Variants in ZFHX3 observed in about 807,000 individuals in gnomAD.
ZFHX3 encodes zinc finger homeobox 3, also known as zinc finger homeobox protein 3.
In ZFHX3, 42 loss-of-function variants were observed where a neutral mutation model predicts 279.1. The observed-to-expected ratio is 0.15, with a 90% confidence interval of 0.12 to 0.19. The LOEUF (loss-of-function observed/expected upper bound fraction) is 0.19, where lower values mean the gene tolerates loss of function less well. Ranked by LOEUF, ZFHX3 falls within the 10% of genes least tolerant of loss-of-function variation. The pLI, the probability that ZFHX3 is intolerant of heterozygous loss-of-function variation, is 1.00. For missense variants in ZFHX3, 4,981 were observed against 4,754.0 expected (o/e 1.05, Z -1.40); for synonymous variants, 2,293 against 1,957.8 (o/e 1.17, Z -4.52).
intron 3 of ZFHX3, among the ~76,000 whole-genome samples, chr16:73,388,010 G>A (rs2016935289): frequency 1.3e-5 from 2 of 152,054 alleles, no homozygotes; most frequent in African/African-American, 4.8e-5. Context: ...CAAATGCAGG[G>A]CACGCTCATT....
chr16:73,858,000 G>A (rs1343128256), intron 1 of ZFHX3, among the ~76,000 whole-genome samples: 1 of 151,942 alleles, frequency 6.6e-6, no homozygotes, highest in Non-Finnish European at 1.5e-5. Flanking sequence ...GGAGGCTGAG[G>A]CAGGAGAATT....
chr16:73,143,351 C>T lies in ZFHX3; in HGVS notation c.-1024+401G>A, dbSNP rs185557683. 4.5e-4 allele frequency among the ~76,000 whole-genome samples: 68 copies of T among 151,856 alleles called. No individual in the cohort carries two copies. The East Asian group carries it at 7.6e-3, about 17-fold the overall frequency. ...GCCTTCACCAAGAAATGCTCAGAGA[C>T]GAGAAGTGGGAAGATTGACAAAGAT... On this transcript the variant is annotated intron_variant, in intron 6 of 17. Coordinates refer to the ZFHX3 transcript ENST00000641206.
At chr16:73,430,800 T>C (rs544379131) in intron 3 of ZFHX3, among the ~76,000 whole-genome samples, 7 of 152,204 alleles carry the variant, frequency 4.6e-5, no homozygotes, top group Non-Finnish European at 8.8e-5. Context: ...AGGTGACACA[T>C]GGCACTATTT....
chr16:73,289,241 G>C (rs765909750), intron 4 of ZFHX3, among the ~76,000 whole-genome samples: 1 of 151,908 alleles, frequency 6.6e-6, no homozygotes, highest in Non-Finnish European at 1.5e-5. Context: ...CTCCAAAGGG[G>C]AAATCGAGCG....
At chr16:73,169,064 A>G (rs557462076) in intron 5 of ZFHX3, among the ~76,000 whole-genome samples, 5 of 152,348 alleles carry the variant, frequency 3.3e-5, no homozygotes, top group Non-Finnish European at 5.9e-5. Context: ...CAATAAGGTT[A>G]GGGTGTTGAA....
chr16:73,665,775 C>T (rs1392033951), intron 2 of ZFHX3, among the ~76,000 whole-genome samples: 3 of 150,202 alleles, frequency 2.0e-5, no homozygotes, highest in Non-Finnish European at 4.4e-5. Flanking sequence ...TTTACTGTAC[C>T]ACATGACCAG....
intron 4 of ZFHX3, among the ~76,000 whole-genome samples, chr16:73,259,471 A>G (rs1418358824): frequency 6.6e-6 from 1 of 152,232 alleles, no homozygotes; most frequent in Non-Finnish European, 1.5e-5. Flanking sequence ...AGCTTCAGTT[A>G]TGTAAAATGG....
chr16:73,105,382 TACAC>T (rs1188959195), intron 7 of ZFHX3, among the ~76,000 whole-genome samples: 1 of 40,480 alleles, frequency 2.5e-5, no homozygotes, highest in South Asian at 1.6e-3. Flanking sequence ...TATATATATA[TACAC>T]ACACACACAT....
chr16:73,029,235 C>T (rs943868248), intron 1 of ZFHX3, among the ~76,000 whole-genome samples: 1 of 152,308 alleles, frequency 6.6e-6, no homozygotes, highest in East Asian at 1.9e-4. Context: ...CTATCACCTC[C>T]CAAATGCAGC....
At chr16:73,621,025 A>C (rs1411695917) in intron 2 of ZFHX3, among the ~76,000 whole-genome samples, 6 of 152,238 alleles carry the variant, frequency 3.9e-5, no homozygotes, top group African/African-American at 1.2e-4. Context: ...CGTAGCATCC[A>C]TCTTCCAAGG....
At chr16:73,799,624 T>C (rs2142324323) in intron 1 of ZFHX3, among the ~76,000 whole-genome samples, 1 of 152,258 alleles carries the variant, frequency 6.6e-6, no homozygotes, top group African/African-American at 2.4e-5. Flanking sequence ...AGCCTTCCCC[T>C]GCTTCCTCTC....
chr16:73,747,809 T>G (rs910434296), intron 1 of ZFHX3, among the ~76,000 whole-genome samples: 1 of 151,984 alleles, frequency 6.6e-6, no homozygotes, highest in Non-Finnish European at 1.5e-5. Context: ...CACACACACA[T>G]GTCCCATAGT....
rs771122415 is a variant in ZFHX3 at position 73,281,012 on chromosome 16, A to AAGGAG, written c.-1193-23881_-1193-23877dup. On this transcript the variant is annotated intron_variant, in intron 4 of 17. Transcript: ENST00000641206. ...AGAAAGAAAGAGGGAAATGAAGGGA[A>AAGGAG]AGGAGAGGAGAGGAGAGGGGAGGGG... Among the ~76,000 whole-genome samples, 302 of 92,908 alleles carry AAGGAG rather than the reference A, an allele frequency of 3.3e-3. 4 individuals carry two copies. The highest frequency in any genetic ancestry group is 0.032 in the South Asian group (74 of 2,296). 61.0% of individuals were successfully genotyped at this position (92,908 alleles called of 152,430 possible).
At chr16:73,697,810 T>C (rs1307001755) in intron 1 of ZFHX3, among the ~76,000 whole-genome samples, 1 of 152,046 alleles carries the variant, frequency 6.6e-6, no homozygotes, top group African/African-American at 2.4e-5. Flanking sequence ...TATAAACAAA[T>C]ACTGGTATGG....
At chr16:73,878,027 A>G (rs1313266815) in intron 1 of ZFHX3, among the ~76,000 whole-genome samples, 1 of 152,000 alleles carries the variant, frequency 6.6e-6, no homozygotes, top group Admixed American at 6.6e-5. Context: ...TCTCCATACC[A>G]TCATTTCTCT....
At chr16:73,451,981 G>T (rs1008454413) in intron 3 of ZFHX3, among the ~76,000 whole-genome samples, 2 of 152,084 alleles carry the variant, frequency 1.3e-5, no homozygotes, top group African/African-American at 4.8e-5. Context: ...AGAGATGAGG[G>T]CTACATACTG....
At position 73,154,314 on chromosome 16, in the gene ZFHX3, A is replaced by C. The variant is rs545375595; in HGVS notation, c.-1103-10483T>G. On this transcript the variant is annotated intron_variant, in intron 5 of 17. Coordinates refer to the ZFHX3 transcript ENST00000641206. ...CCAGGCTGGTCTGAAGTTTTTCAGAAGTTTTGGAGTTTGGAGAGATCATGT... is the reference window on the plus strand; with the variant it reads ...CCAGGCTGGTCTGAAGTTTTTCAGACGTTTTGGAGTTTGGAGAGATCATGT... 2.2e-3 allele frequency among the ~76,000 whole-genome samples: 339 copies of C among 152,266 alleles called. 2 individuals are homozygous for C. Among genetic ancestry groups the C allele is most frequent in the African/African-American group, 7.7e-3 (318 of 41,548 alleles).
intron 2 of ZFHX3, among the ~76,000 whole-genome samples, chr16:73,630,381 G>A (rs2052457062): frequency 6.6e-6 from 1 of 152,184 alleles, no homozygotes; most frequent in Non-Finnish European, 1.5e-5. Context: ...TGCTTTTCTA[G>A]AGCAATAGCA....
rs146796486 is a variant in ZFHX3 at position 73,744,183 on chromosome 16, C to T, written c.-1607-63943G>A. On this transcript the variant is annotated intron_variant, in intron 1 of 17. Coordinates refer to the ZFHX3 transcript ENST00000641206. ...CCCAAAGGGCATAACATTAAAATGG[C>T]ATGATCTCTCGTGACGTACAAAAGT... Among the ~76,000 whole-genome samples the T allele has an allele frequency of 4.6e-3, 704 of 152,302 alleles. 4 individuals carry two copies. Among genetic ancestry groups the T allele is most frequent in the African/African-American group, 0.016 (660 of 41,552 alleles).
Sources: gnomAD v4.1 joint callset for allele counts (sites outside exome capture counted in the v4.1 genomes callset) on GRCh38, gnomAD v4.1.1 for gene constraint, MANE v1.5 for transcripts, NCBI Gene and HGNC (gene_info 2026-07-23, HGNC 2026-07-21) for gene names.